The following ADAMTS6 variants were observed in gnomAD, a reference collection of about 807,000 sequenced individuals.
ADAMTS6 encodes A disintegrin and metalloproteinase with thrombospondin motifs 6.
A neutral mutation model predicts 144.3 loss-of-function variants in ADAMTS6; 23 were observed. The ratio of observed to expected loss-of-function variants is 0.16; its 90% CI spans 0.11 to 0.23. The LOEUF is 0.23. Ranked by LOEUF, ADAMTS6 falls within the 10% of genes least tolerant of loss-of-function variation. ADAMTS6 has a pLI of 1.00. For synonymous variants in ADAMTS6, 444 were observed against 457.5 expected (o/e 0.97, Z 0.38); for missense variants, 999 against 1,379.6 (o/e 0.72, Z 4.37).
intron 11 of ADAMTS6, among the ~76,000 whole-genome samples, chr5:65,274,651 G>T (rs1762312405): frequency 6.6e-6 from 1 of 152,046 alleles, no homozygotes; most frequent in African/African-American, 2.4e-5. Context: ...CAGGCAGAGA[G>T]GAGATATATA....
At chr5:65,249,835 A>G (rs1426445507) in intron 14 of ADAMTS6, among the ~76,000 whole-genome samples, 1 of 152,226 alleles carries the variant, frequency 6.6e-6, no homozygotes, top group Admixed American at 6.5e-5. Context: ...CCTTGTCTTC[A>G]CTTACCCTGC....
intron 14 of ADAMTS6, among the ~76,000 whole-genome samples, chr5:65,259,248 C>T (rs1039021223): frequency 1.3e-5 from 2 of 151,904 alleles, no homozygotes; most frequent in African/African-American, 4.8e-5. Flanking sequence ...GTGGCACACA[C>T]CTGTAATACA....
intron 7 of ADAMTS6, among the ~76,000 whole-genome samples, chr5:65,445,581 T>A (rs1205033473): frequency 6.6e-6 from 1 of 152,052 alleles, no homozygotes; most frequent in Non-Finnish European, 1.5e-5. Flanking sequence ...ACCTCAAGTA[T>A]TCCTCCCACC....
At chr5:65,268,656 G>T (rs7704681) in intron 12 of ADAMTS6, among the ~76,000 whole-genome samples, 1 of 152,050 alleles carries the variant, frequency 6.6e-6, no homozygotes, top group East Asian at 1.9e-4. Context: ...TTATTCAGGC[G>T]AACATCCAAT....
rs148045067 is a variant in ADAMTS6 at position 65,236,351 on chromosome 5, G to A, written c.1933+5753C>T. On this transcript the variant is annotated intron_variant, in intron 15 of 24. Coordinates refer to ENST00000381055, the MANE Select transcript of ADAMTS6 (RefSeq NM_197941.4). ...ACAGGATCTCACTCTACAGTGGTGTGATCATAGCTCACTGTAGCCTCCACT... is the reference window on the plus strand; with the variant it reads ...ACAGGATCTCACTCTACAGTGGTGTAATCATAGCTCACTGTAGCCTCCACT... Among the ~76,000 whole-genome samples, 973 of 152,128 alleles carry A rather than the reference G, an allele frequency of 6.4e-3. 6 individuals carry two copies. The highest frequency in any genetic ancestry group is 8.5e-3 in the Non-Finnish European group (581 of 67,972).
chr5:65,341,461 GAAGAA>G (rs1747816823), intron 7 of ADAMTS6, among the ~76,000 whole-genome samples: 1 of 151,718 alleles, frequency 6.6e-6, no homozygotes, highest in Non-Finnish European at 1.5e-5. Flanking sequence ...GCTAGACTAA[GAAGAA>G]AAGAGAGACG....
chr5:65,223,900 C>T (rs1330918879), intron 18 of ADAMTS6, among the ~76,000 whole-genome samples: 10 of 151,188 alleles, frequency 6.6e-5, no homozygotes, highest in South Asian at 2.1e-4. Context: ...CCTGGGTTCA[C>T]GTCATTTTCC....
At chr5:65,345,905 T>C (rs1748275087) in intron 7 of ADAMTS6, among the ~76,000 whole-genome samples, 1 of 151,934 alleles carries the variant, frequency 6.6e-6, no homozygotes, top group Non-Finnish European at 1.5e-5. Context: ...AGCTTATTAT[T>C]CCTAAAGAAA....
At chr5:65,415,623 A>G (rs1561521386) in intron 7 of ADAMTS6, 3 of 317,788 alleles carry the variant, frequency 9.4e-6, no homozygotes, top group Non-Finnish European at 1.9e-5. Context: ...GTCTGAGATC[A>G]CTGATTTTTT....
intron 12 of ADAMTS6, among the ~76,000 whole-genome samples, chr5:65,266,497 A>C (rs1761640031): frequency 6.6e-6 from 1 of 151,910 alleles, no homozygotes; most frequent in South Asian, 2.1e-4. Flanking sequence ...CTCTAATTTA[A>C]TACTAGTTAA....
rs1698114594 is a variant in ADAMTS6, at chr5:65,150,168, A to G, written c.*1668T>C. Reference sequence around the variant, plus strand: ...TGTAATTTAAGAGCACCATGATGGAATCAAGTCAAACATGCTGTTTAACTG... The same window carrying G: ...TGTAATTTAAGAGCACCATGATGGAGTCAAGTCAAACATGCTGTTTAACTG... On this transcript the variant is annotated 3_prime_UTR_variant, in exon 25 of 25. Coordinates refer to ENST00000381055, the MANE Select transcript of ADAMTS6 (RefSeq NM_197941.4). 1 of 152,510 alleles carries G rather than the reference A, an allele frequency of 6.6e-6. No individual in the cohort carries two copies. Among genetic ancestry groups the G allele is most frequent in the African/African-American group, 2.4e-5 (1 of 41,462 alleles). The allele number at this position is 152,510 out of a possible 1,614,324, so 9.4% of individuals were successfully genotyped here. A position where few individuals can be genotyped will look rare whatever the true frequency, so the allele number is the denominator to read the frequency against.
At chr5:65,226,819 G>A (rs2112406629) in intron 15 of ADAMTS6, among the ~76,000 whole-genome samples, 1 of 152,238 alleles carries the variant, frequency 6.6e-6, no homozygotes, top group Middle Eastern at 3.4e-3. Context: ...CTGACCTCAG[G>A]TGATCCACCT....
chr5:65,420,007 G>A (rs958144345), intron 7 of ADAMTS6, among the ~76,000 whole-genome samples: 14 of 152,124 alleles, frequency 9.2e-5, no homozygotes, highest in Admixed American at 8.5e-4. Context: ...ACGGAAAGAG[G>A]TTTAATTGAC....
At chr5:65,215,295 A>T (rs759242727) in intron 19 of ADAMTS6, 29 bp downstream of exon 19, 1 of 1,607,154 alleles carries the variant, frequency 6.2e-7, no homozygotes, top group Non-Finnish European at 8.5e-7. Context: ...TTAAAAACAG[A>T]AGAAATACAA....
intron 22 of ADAMTS6, among the ~76,000 whole-genome samples, chr5:65,175,740 G>A (rs1311293883): frequency 1.3e-5 from 2 of 151,898 alleles, no homozygotes; most frequent in African/African-American, 4.8e-5. Flanking sequence ...ATTAACCACT[G>A]AAAATTCCCT....
At chr5:65,445,472 G>C (rs1758202712) in intron 7 of ADAMTS6, among the ~76,000 whole-genome samples, 1 of 152,112 alleles carries the variant, frequency 6.6e-6, no homozygotes, top group Non-Finnish European at 1.5e-5. Context: ...TGAGTATCTG[G>C]GATTACAAGC....
chr5:65,403,531 C>T (rs1359146519), intron 7 of ADAMTS6, among the ~76,000 whole-genome samples: 2 of 152,118 alleles, frequency 1.3e-5, no homozygotes, highest in Non-Finnish European at 2.9e-5. Flanking sequence ...CAATTCCATT[C>T]AAATAATTGG....
chr5:65,465,022 G>A (rs1010688649), intron 3 of ADAMTS6, among the ~76,000 whole-genome samples: 1 of 152,100 alleles, frequency 6.6e-6, no homozygotes, highest in African/African-American at 2.4e-5. Flanking sequence ...ACCTTGATAA[G>A]ATTCAACTTT....
At chr5:65,226,618 C>A (rs1431496805) in intron 15 of ADAMTS6, among the ~76,000 whole-genome samples, 1 of 151,836 alleles carries the variant, frequency 6.6e-6, no homozygotes, top group East Asian at 1.9e-4. Context: ...TGGAGTCTTG[C>A]TCTGTCACCC....
Sources: gnomAD v4.1 joint callset for allele counts (sites outside exome capture counted in the v4.1 genomes callset) on GRCh38, gnomAD v4.1.1 for gene constraint, MANE v1.5 for transcripts, NCBI Gene and HGNC (gene_info 2026-07-23, HGNC 2026-07-21) for gene names.